The following SYNPO2 variants were observed in gnomAD, a reference collection of about 807,000 sequenced individuals.
The protein encoded by SYNPO2 is synaptopodin 2, also known as synaptopodin-2.
A neutral mutation model predicts 85.0 loss-of-function variants in SYNPO2; 56 were observed. The ratio of observed to expected loss-of-function variants is 0.66; its 90% CI spans 0.53 to 0.82. The LOEUF (loss-of-function observed/expected upper bound fraction) is 0.82. SYNPO2 is among the 40% of genes least tolerant of loss of function. The pLI, the probability that SYNPO2 is intolerant of heterozygous loss-of-function variation, is 0.00. For missense variants in SYNPO2, 1,575 were observed against 1,534.2 expected (o/e 1.03, Z -0.44); for synonymous variants, 602 against 591.1 (o/e 1.02, Z -0.27).
At chr4:118,866,988 CCTT>C (rs1259338488) in intron 1 of SYNPO2, among the ~76,000 whole-genome samples, 1 of 152,108 alleles carries the variant, frequency 6.6e-6, no homozygotes, top group African/African-American at 2.4e-5. Context: ...CTTTAGTTCT[CCTT>C]TTTTTTAAAG....
In SYNPO2 at chr4:118,905,238, T is replaced by C. The variant is rs1297153814; in HGVS notation, c.105+16097T>C. ...TGTTCTTCATGATATCCAATTACCC[T>C]GACTCTCTGTTTCTCTTTCTTATTT... On this transcript the variant is annotated intron_variant, in intron 1 of 4. Transcript: ENST00000307142. 2.6e-5 allele frequency among the ~76,000 whole-genome samples: 4 copies of C among 152,216 alleles called. No homozygotes were observed. The East Asian group carries it at 5.8e-4, about 22-fold the overall frequency.
At chr4:118,999,089 A>G (rs1473127512) in intron 1 of SYNPO2, among the ~76,000 whole-genome samples, 1 of 152,206 alleles carries the variant, frequency 6.6e-6, no homozygotes, top group Non-Finnish European at 1.5e-5. Flanking sequence ...TGAGGATTAG[A>G]GATAATGTAT....
At position 119,057,597 on chromosome 4, in the gene SYNPO2, G is replaced by A. The variant is rs142483777; in HGVS notation, c.3449G>A (p.Arg1150Lys). The A allele has an allele frequency of 4.3e-6, 7 of 1,613,888 alleles. No homozygotes were observed. The African/African-American group carries it at 6.7e-5, about 15-fold the overall frequency. The change falls in exon 5 of 5, where the codon AGA (arginine) becomes AAA (lysine). Residue 1150 changes from arginine (R) to lysine (K), a missense_variant. By Grantham distance (26) the Arg-to-Lys change is conservative. This residue lies in a region of SYNPO2 where 1,508 missense variants were observed against 1,446.8 expected (regional missense o/e 1.04). Coordinates refer to ENST00000307142, the MANE Select transcript of SYNPO2 (RefSeq NM_133477.3). ...LGLVDDAFQP[R>K]NIQESIVANV... ...CTAGTGGATGATGCTTTCCAACCCA[G>A]AAACATCCAGGAATCCATTGTGGCA... is the stretch of plus-strand genomic sequence containing the variant.
rs1737981454 is a variant in SYNPO2 at position 119,026,961 on chromosome 4, G to C, written c.592G>C (p.Glu198Gln). ...VEAVQPGPVV[E>Q]LQLSLSQERH... Reference sequence around the variant, plus strand: ...AGCGGTACAGCCTGGGCCTGTGGTTGAGCTGCAACTGTCCCTTTCACAGGA... The same window carrying C: ...AGCGGTACAGCCTGGGCCTGTGGTTCAGCTGCAACTGTCCCTTTCACAGGA... Residue 198 changes from glutamate to glutamine, a missense_variant, in exon 3 of 5, where the codon GAG (glutamate) becomes CAG (glutamine). By Grantham distance (29) the Glu-to-Gln change is conservative. This residue lies in a region of SYNPO2 where 1,508 missense variants were observed against 1,446.8 expected (regional missense o/e 1.04). Coordinates refer to ENST00000307142, the MANE Select transcript of SYNPO2 (RefSeq NM_133477.3). 1.2e-6 allele frequency: 2 copies of C among 1,614,186 alleles called. No homozygotes were observed. Among genetic ancestry groups the C allele is most frequent in the Non-Finnish European group, 1.7e-6 (2 of 1,180,036 alleles).
At chr4:118,918,213 A>G (rs1344799897) in intron 1 of SYNPO2, among the ~76,000 whole-genome samples, 1 of 152,208 alleles carries the variant, frequency 6.6e-6, no homozygotes, top group Admixed American at 6.5e-5. Context: ...TTGCCAACAT[A>G]TAATTCCAAA....
intron 1 of SYNPO2, among the ~76,000 whole-genome samples, chr4:118,984,802 T>C (rs2149164759): frequency 6.6e-6 from 1 of 152,334 alleles, no homozygotes; most frequent in South Asian, 2.1e-4. Context: ...TTCTTATCTT[T>C]GTATATTTTG....
intron 1 of SYNPO2, among the ~76,000 whole-genome samples, chr4:119,007,253 CATATATATAT>C (rs59327133): frequency 0.021 from 808 of 37,860 alleles, 42 homozygotes; most frequent in South Asian, 0.049. Context: ...TATGTATATA[CATATATATAT>C]ATATATATAT....
In SYNPO2 at chr4:118,933,688, CTTATAG is replaced by C. The variant is rs1243817838; in HGVS notation, c.105+44550_105+44555del. ...ACAACATACAGAATAGTTTATGGGT[CTTATAG>C]TTCTAGTGTTGAGAAGTTACCAAAA... On this transcript the variant is annotated intron_variant, in intron 1 of 4. Transcript: ENST00000307142. Among the ~76,000 whole-genome samples the C allele has an allele frequency of 3.9e-5, 6 of 152,008 alleles. No homozygotes were observed. The East Asian group carries it at 1.2e-3, about 29-fold the overall frequency.
At position 119,031,254 on chromosome 4, in the gene SYNPO2, C is replaced by G. The variant is rs756314480; in HGVS notation, c.2479C>G (p.Pro827Ala). 1 of 1,614,116 alleles carries G rather than the reference C, an allele frequency of 6.2e-7. No homozygotes were observed. The highest frequency in any genetic ancestry group is 8.5e-7 in the Non-Finnish European group (1 of 1,180,012). ...RPASTLNVAG[P>A]FKGPQAAVAS... Reference sequence around the variant, plus strand: ...TGCAAGTACTTTGAACGTGGCTGGTCCCTTCAAAGGACCACAAGCAGCAGT... The same window carrying G: ...TGCAAGTACTTTGAACGTGGCTGGTGCCTTCAAAGGACCACAAGCAGCAGT... The change falls in exon 4 of 5, where the codon CCC becomes GCC. Residue 827 changes from proline to alanine, a missense_variant. Coordinates refer to ENST00000307142, the MANE Select transcript of SYNPO2 (RefSeq NM_133477.3).
chr4:118,888,048 C>G (rs982305136), upstream of SYNPO2, among the ~76,000 whole-genome samples: 1 of 151,840 alleles, frequency 6.6e-6, no homozygotes, highest in Non-Finnish European at 1.5e-5. Flanking sequence ...TATATTGGAC[C>G]ACCCAGATTC....
intron 1 of SYNPO2, among the ~76,000 whole-genome samples, chr4:118,985,113 T>C (rs974534624): frequency 1.4e-4 from 21 of 152,182 alleles, no homozygotes; most frequent in Admixed American, 5.2e-4. Flanking sequence ...TATGGCAATC[T>C]GTAGATTAAA....
intron 4 of SYNPO2, chr4:119,034,716 C>T: frequency 2.0e-6 from 2 of 985,496 alleles, no homozygotes; most frequent in Non-Finnish European, 1.2e-6. Context: ...AAGGACTAAC[C>T]AGCTCCCTGG....
At chr4:118,977,227 G>C (rs1029791812) in intron 1 of SYNPO2, among the ~76,000 whole-genome samples, 1 of 152,212 alleles carries the variant, frequency 6.6e-6, no homozygotes, top group Admixed American at 6.5e-5. Flanking sequence ...GGGAGAAATC[G>C]AGCGCAGCGC....
chr4:118,963,479 GAA>G (rs1359207050), intron 1 of SYNPO2, among the ~76,000 whole-genome samples: 1 of 152,174 alleles, frequency 6.6e-6, no homozygotes, highest in Non-Finnish European at 1.5e-5. Context: ...AGACTGGACT[GAA>G]AAACTTATTT....
At chr4:118,976,086 T>C (rs1735718851) in intron 1 of SYNPO2, among the ~76,000 whole-genome samples, 1 of 152,204 alleles carries the variant, frequency 6.6e-6, no homozygotes, top group Admixed American at 6.5e-5. Context: ...TGTCCAGAAT[T>C]GGTGGGTTCT....
chr4:118,893,345 T>C (rs796787686), intron 1 of SYNPO2, among the ~76,000 whole-genome samples: 33 of 152,348 alleles, frequency 2.2e-4, no homozygotes, highest in African/African-American at 4.8e-4. Flanking sequence ...GTAGCACATA[T>C]GTAGCTTACA....
chr4:118,947,763 T>G (rs568688787), intron 1 of SYNPO2, among the ~76,000 whole-genome samples: 38 of 152,362 alleles, frequency 2.5e-4, no homozygotes, highest in African/African-American at 9.1e-4. Context: ...TATGCTTTCA[T>G]AGCACTGTGT....
chr4:118,879,313 C>T (rs1429376955), intron 1 of SYNPO2, among the ~76,000 whole-genome samples: 2 of 152,184 alleles, frequency 1.3e-5, no homozygotes, highest in African/African-American at 2.4e-5. Flanking sequence ...GTTAGAGCTT[C>T]CTTTTCCCTA....
At chr4:119,000,590 G>A (rs983978597) in intron 1 of SYNPO2, among the ~76,000 whole-genome samples, 1 of 152,064 alleles carries the variant, frequency 6.6e-6, no homozygotes, top group Non-Finnish European at 1.5e-5. Context: ...CTTCCTTCTC[G>A]GCAATGTGGC....
Sources: allele counts gnomAD v4.1 joint callset (sites outside exome capture counted in the v4.1 genomes callset), GRCh38; gene constraint gnomAD v4.1.1; regional missense constraint gnomAD v4.1.1; transcripts MANE v1.5; gene names NCBI Gene and HGNC (gene_info 2026-07-23, HGNC 2026-07-21).